The following CNTNAP5 variants were observed in gnomAD, a reference collection of about 807,000 sequenced individuals.
The protein encoded by CNTNAP5 is contactin-associated protein-like 5.
A neutral mutation model predicts 150.2 loss-of-function variants in CNTNAP5; 72 were observed. The observed-to-expected ratio is 0.48, with a 90% CI of 0.40 to 0.58. The LOEUF is 0.58. Ranked by LOEUF, CNTNAP5 falls within the 20% of genes least tolerant of loss-of-function variation. CNTNAP5 has a pLI of 0.00. For missense variants in CNTNAP5, 1,636 were observed against 1,626.2 expected (o/e 1.01, Z -0.10); for synonymous variants, 672 against 619.8 (o/e 1.08, Z -1.25).
chr2:124,646,833 C>A (rs932250398), intron 12 of CNTNAP5, among the ~76,000 whole-genome samples: 3 of 152,080 alleles, frequency 2.0e-5, no homozygotes, highest in Non-Finnish European at 4.4e-5. Flanking sequence ...GGGGGCTGGG[C>A]ACGCTGGCTC....
intron 7 of CNTNAP5, among the ~76,000 whole-genome samples, chr2:124,497,339 G>T (rs866113527): frequency 4.6e-5 from 7 of 152,274 alleles, no homozygotes; most frequent in Middle Eastern, 6.8e-3. Flanking sequence ...ACACCTCTGA[G>T]CCATTTAACA....
intron 19 of CNTNAP5, among the ~76,000 whole-genome samples, chr2:124,821,461 T>G (rs917414497): frequency 6.6e-6 from 1 of 152,220 alleles, no homozygotes; most frequent in African/African-American, 2.4e-5. Context: ...ATGTCTGGCA[T>G]AGGGCTTTTT....
At chr2:124,049,657 G>T (rs1487495222) in intron 1 of CNTNAP5, among the ~76,000 whole-genome samples, 1 of 152,170 alleles carries the variant, frequency 6.6e-6, no homozygotes, top group Non-Finnish European at 1.5e-5. Context: ...TAACATGAAG[G>T]TAATGATACC....
chr2:124,834,248 T>C (rs1180068416), intron 19 of CNTNAP5, among the ~76,000 whole-genome samples: 1 of 152,132 alleles, frequency 6.6e-6, no homozygotes, highest in African/African-American at 2.4e-5. Context: ...CAAATTTGAG[T>C]GGTTCATTCT....
intron 10 of CNTNAP5, among the ~76,000 whole-genome samples, chr2:124,558,825 A>G (rs1250882131): frequency 6.6e-6 from 1 of 152,076 alleles, no homozygotes; most frequent in African/African-American, 2.4e-5. Context: ...TGTTCTTCTT[A>G]AGGCTGACCT....
chr2:124,395,830 A>G (rs1453818175), intron 3 of CNTNAP5, among the ~76,000 whole-genome samples: 1 of 152,142 alleles, frequency 6.6e-6, no homozygotes, highest in Non-Finnish European at 1.5e-5. Flanking sequence ...CCTCTTGAGA[A>G]ATGCACTCTG....
chr2:124,914,371 C>A lies in CNTNAP5; in HGVS notation c.*83C>A. 1 of 1,012,982 alleles carries A rather than the reference C, an allele frequency of 9.9e-7. No homozygotes were observed. Among genetic ancestry groups the A allele is most frequent in the Non-Finnish European group, 1.5e-6 (1 of 680,938 alleles). The allele number at this position is 1,012,982 out of a possible 1,614,324, so 62.7% of individuals were successfully genotyped here. ...CTTCTCTCCTGTCTTTTGATTTGGTCATTCTCTTTATTTTCTGCTTGCCAT... is the reference window on the plus strand; with the variant it reads ...CTTCTCTCCTGTCTTTTGATTTGGTAATTCTCTTTATTTTCTGCTTGCCAT... On this transcript the variant is annotated 3_prime_UTR_variant, in exon 24 of 24. Transcript: ENST00000682447.
chr2:124,346,916 CAAA>C (rs35078281), intron 3 of CNTNAP5, among the ~76,000 whole-genome samples: 8 of 109,040 alleles, frequency 7.3e-5, no homozygotes, highest in Admixed American at 2.2e-4. Flanking sequence ...ATTAAAAATA[CAAA>C]AAAAAAAAAA....
intron 19 of CNTNAP5, among the ~76,000 whole-genome samples, chr2:124,863,553 G>A (rs1436102656): frequency 6.6e-6 from 1 of 152,240 alleles, no homozygotes; most frequent in African/African-American, 2.4e-5. Flanking sequence ...CCTCAGAAGT[G>A]TTAGGCAATG....
intron 13 of CNTNAP5, among the ~76,000 whole-genome samples, chr2:124,674,329 T>TTCCCTCCTTCCCTCCCTCCC (rs1678884157): frequency 6.6e-6 from 1 of 150,796 alleles, no homozygotes; most frequent in Non-Finnish European, 1.5e-5. Flanking sequence ...AGAACCATCC[T>TTCCCTCCTTCCCTCCCTCCC]TCCCTCCTTC....
intron 19 of CNTNAP5, among the ~76,000 whole-genome samples, chr2:124,832,621 T>C (rs891524076): frequency 4.0e-5 from 6 of 151,866 alleles, no homozygotes; most frequent in African/African-American, 1.5e-4. Flanking sequence ...TTCTTTTACC[T>C]TTTTTTTCCT....
rs779071673 is a variant in CNTNAP5 at position 124,906,102 on chromosome 2, A to AT, written c.3655+3004dup. 4.5e-3 allele frequency among the ~76,000 whole-genome samples: 489 copies of AT among 107,704 alleles called. 1 individual carries two copies. The highest frequency in any genetic ancestry group is 0.018 in the African/African-American group (416 of 22,612). 70.7% of individuals were successfully genotyped at this position (107,704 alleles called of 152,430 possible). A position where few individuals can be genotyped will look rare whatever the true frequency, so the allele number is the denominator to read the frequency against. On this transcript the variant is annotated intron_variant, in intron 22 of 23. Coordinates refer to ENST00000682447, the MANE Select transcript of CNTNAP5 (RefSeq NM_001367498.1). ...AGATGTCAAAGCATCATAAATACTG[A>AT]TTAAAAAATGACTAATACACTGAGA...
chr2:124,050,933 C>A (rs895969136), intron 1 of CNTNAP5, among the ~76,000 whole-genome samples: 1 of 152,088 alleles, frequency 6.6e-6, no homozygotes, highest in Non-Finnish European at 1.5e-5. Flanking sequence ...AAATAGGCAC[C>A]AGGATAACAT....
chr2:124,204,595 C>T (rs1395527236), intron 1 of CNTNAP5, among the ~76,000 whole-genome samples: 1 of 152,168 alleles, frequency 6.6e-6, no homozygotes, highest in Admixed American at 6.5e-5. Flanking sequence ...GTTTAATGCA[C>T]TCATAGTTAC....
chr2:124,369,681 G>T (rs1374307150), intron 3 of CNTNAP5, among the ~76,000 whole-genome samples: 2 of 152,160 alleles, frequency 1.3e-5, no homozygotes, highest in East Asian at 3.9e-4. Context: ...GACAAGGTTT[G>T]TAAGAGCTTG....
chr2:124,154,712 G>T (rs1919837), intron 1 of CNTNAP5, among the ~76,000 whole-genome samples: 131,576 of 152,048 alleles, frequency 0.87, 57,835 homozygotes, highest in Non-Finnish European at 0.94. Flanking sequence ...TCCAGTGTTT[G>T]CTCCATAAAT....
At chr2:124,358,472 T>C (rs1005994241) in intron 3 of CNTNAP5, among the ~76,000 whole-genome samples, 1 of 152,198 alleles carries the variant, frequency 6.6e-6, no homozygotes, top group South Asian at 2.1e-4. Flanking sequence ...TTTTGTAATA[T>C]GTCCCATCAA....
intron 3 of CNTNAP5, among the ~76,000 whole-genome samples, chr2:124,336,767 T>C (rs1381882516): frequency 6.6e-6 from 1 of 152,076 alleles, no homozygotes; most frequent in African/African-American, 2.4e-5. Context: ...CTTAATCCAG[T>C]CTATCATTGT....
chr2:124,182,065 G>T (rs1046712180), intron 1 of CNTNAP5, among the ~76,000 whole-genome samples: 2 of 152,122 alleles, frequency 1.3e-5, no homozygotes, highest in African/African-American at 4.8e-5. Context: ...ACTCATACAA[G>T]TTTAATTATC....
Sources: gnomAD v4.1 joint callset for allele counts (sites outside exome capture counted in the v4.1 genomes callset) on GRCh38, gnomAD v4.1.1 for gene constraint, MANE v1.5 for transcripts, NCBI Gene and HGNC (gene_info 2026-07-23, HGNC 2026-07-21) for gene names.